The following TSHZ2 variants were observed in gnomAD, a reference collection of about 807,000 sequenced individuals.
TSHZ2 encodes the protein teashirt zinc finger homeobox 2.
In TSHZ2, 21 loss-of-function variants were observed where a neutral mutation model predicts 74.4. The observed-to-expected ratio is 0.28, with a 90% CI of 0.20 to 0.41. The LOEUF is 0.41. Among genes scored for constraint, TSHZ2 ranks in the 10% least tolerant of loss-of-function variants. The pLI, the probability that TSHZ2 is intolerant of heterozygous loss-of-function variation, is 1.00. For synonymous variants in TSHZ2, 540 were observed against 515.3 expected, an observed-to-expected ratio of 1.05 and a Z score of -0.65; for missense variants, 1,244 against 1,293.5, an observed-to-expected ratio of 0.96 and a Z score of 0.59.
intron 1 of TSHZ2, among the ~76,000 whole-genome samples, chr20:53,072,350 A>G (rs781230324): frequency 2.0e-5 from 3 of 152,252 alleles, no homozygotes; most frequent in Non-Finnish European, 4.4e-5. Context: ...CCACAAAATC[A>G]TAATAATCCA....
intron 1 of TSHZ2, among the ~76,000 whole-genome samples, chr20:53,053,677 G>A (rs140974916): frequency 7.9e-5 from 12 of 152,268 alleles, no homozygotes; most frequent in African/African-American, 2.9e-4. Context: ...ATTATACTAT[G>A]AGAAAGAAAA....
chr20:53,465,782 G>C (rs1202711629), intron 2 of TSHZ2, among the ~76,000 whole-genome samples: 1 of 152,072 alleles, frequency 6.6e-6, no homozygotes, highest in Non-Finnish European at 1.5e-5. Context: ...TAGCAGTCAA[G>C]CTTCAGGCAA....
intron 1 of TSHZ2, among the ~76,000 whole-genome samples, chr20:53,020,133 T>C (rs535634394): frequency 6.6e-6 from 1 of 152,260 alleles, no homozygotes; most frequent in East Asian, 1.9e-4. Context: ...ACCACCCCCA[T>C]AATCCAGTCA....
chr20:53,397,767 A>C (rs1444569806), intron 2 of TSHZ2: 1 of 152,260 alleles, frequency 6.6e-6, no homozygotes, highest in Admixed American at 6.5e-5. Context: ...AAAATTTGGC[A>C]CATATACACC....
intron 1 of TSHZ2, among the ~76,000 whole-genome samples, chr20:53,121,334 C>A (rs1986804672): frequency 6.6e-6 from 1 of 151,868 alleles, no homozygotes; most frequent in African/African-American, 2.4e-5. Flanking sequence ...TCTAATACCC[C>A]AAATCTAGTA....
At chr20:53,047,689 A>G (rs1270018912) in intron 1 of TSHZ2, among the ~76,000 whole-genome samples, 4 of 152,166 alleles carry the variant, frequency 2.6e-5, no homozygotes, top group Non-Finnish European at 4.4e-5. Context: ...AAACACTATG[A>G]CAACCAAGCA....
chr20:53,074,379 T>C lies in TSHZ2; in HGVS notation c.40+101046T>C, dbSNP rs1985302539. On this transcript the variant is annotated intron_variant, in intron 1 of 2. Coordinates refer to ENST00000371497, the MANE Select transcript of TSHZ2 (RefSeq NM_173485.6). The surrounding 1 kb of genome is among the most constrained non-coding windows in gnomAD (Gnocchi z 5.9). The stretch of plus-strand genomic sequence containing the variant: ...GCTAGGACCAGGATTCATGGGTCTT[T>C]GTGTTCTTACAGTGCCTCAATTGCT... Among the ~76,000 whole-genome samples, 2 of 152,230 alleles carry C rather than the reference T, an allele frequency of 1.3e-5. No individual in the cohort carries two copies. Among genetic ancestry groups the C allele is most frequent in the Admixed American group, 1.3e-4 (2 of 15,280 alleles).
chr20:53,077,760 T>G (rs894692192), intron 1 of TSHZ2, among the ~76,000 whole-genome samples: 2 of 152,194 alleles, frequency 1.3e-5, no homozygotes, highest in African/African-American at 4.8e-5. Context: ...TCGTTATCGC[T>G]GAAAAGGAGG....
chr20:53,187,675 G>A (rs1988632711), intron 1 of TSHZ2, among the ~76,000 whole-genome samples: 6 of 149,152 alleles, frequency 4.0e-5, no homozygotes, highest in Admixed American at 2.0e-4. Context: ...GGCTGCATTT[G>A]GTTGAAAAGT....
intron 2 of TSHZ2, among the ~76,000 whole-genome samples, chr20:53,353,389 A>G (rs1279568600): frequency 6.6e-6 from 1 of 152,216 alleles, no homozygotes; most frequent in Non-Finnish European, 1.5e-5. Flanking sequence ...GTACACATAC[A>G]TGTCATAGAA....
Position 53,269,586 on chromosome 20 carries a change from TGAGGAG to T in TSHZ2, c.*8+13030_*8+13035del, listed in dbSNP as rs538780178. ...GATCATGATGATATGATGATGGTGATGAGGAGGAGGAGGAGGAGGATCTGATGATGA... is the reference window on the plus strand; with the variant it reads ...GATCATGATGATATGATGATGGTGATGAGGAGGAGGAGGATCTGATGATGA... On this transcript the variant is annotated intron_variant, in intron 2 of 2. Transcript: ENST00000371497. Among the ~76,000 whole-genome samples, 40 of 151,918 alleles carry T rather than the reference TGAGGAG, an allele frequency of 2.6e-4. No individual in the cohort carries two copies. The South Asian group carries it at 4.4e-3, about 17-fold the overall frequency.
chr20:53,186,540 C>A (rs1051442357), intron 1 of TSHZ2, among the ~76,000 whole-genome samples: 1 of 152,192 alleles, frequency 6.6e-6, no homozygotes, highest in Non-Finnish European at 1.5e-5. Flanking sequence ...GTGCTCACAT[C>A]CATCTCACTT....
chr20:53,416,571 G>A (rs140307983), intron 2 of TSHZ2, among the ~76,000 whole-genome samples: 104 of 152,280 alleles, frequency 6.8e-4, no homozygotes, highest in African/African-American at 8.2e-4. Context: ...CACACCCATC[G>A]TTTACATATT....
intron 1 of TSHZ2, among the ~76,000 whole-genome samples, chr20:53,114,808 G>GGTGT (rs140817682): frequency 2.6e-5 from 4 of 151,164 alleles, no homozygotes; most frequent in Middle Eastern, 3.4e-3. Context: ...TTATGCCTGG[G>GGTGT]GTGTGTGTGT....
intron 1 of TSHZ2, among the ~76,000 whole-genome samples, chr20:53,143,845 G>A (rs530562074): frequency 2.0e-5 from 3 of 152,266 alleles, no homozygotes; most frequent in Admixed American, 6.5e-5. Flanking sequence ...TAGAGAAATA[G>A]TTTAATTCAC....
At chr20:53,075,501 G>A (rs1046188039) in intron 1 of TSHZ2, among the ~76,000 whole-genome samples, 1 of 152,202 alleles carries the variant, frequency 6.6e-6, no homozygotes, top group African/African-American at 2.4e-5. Context: ...AGCTATAAAA[G>A]GAGCGACAAA....
intron 1 of TSHZ2, among the ~76,000 whole-genome samples, chr20:53,082,085 C>T (rs1200694417): frequency 6.6e-6 from 1 of 152,158 alleles, no homozygotes; most frequent in Non-Finnish European, 1.5e-5. Context: ...TTAACAGACA[C>T]TTCTAAATAG....
intron 2 of TSHZ2, among the ~76,000 whole-genome samples, chr20:53,314,342 G>A (rs895771320): frequency 1.3e-5 from 2 of 151,616 alleles, no homozygotes; most frequent in African/African-American, 4.8e-5. Context: ...ATCTATTGCT[G>A]TGTAACTAAT....
chr20:53,117,693 T>TTA (rs989986818), intron 1 of TSHZ2, among the ~76,000 whole-genome samples: 7 of 152,226 alleles, frequency 4.6e-5, no homozygotes, highest in Admixed American at 4.6e-4. Flanking sequence ...TGAGGCTTAG[T>TTA]TAATGGCATT....
Sources: gnomAD v4.1 joint callset for allele counts (sites outside exome capture counted in the v4.1 genomes callset) on GRCh38, gnomAD v4.1.1 for gene constraint, Gnocchi (gnomAD v3.1) non-coding constraint, MANE v1.5 for transcripts, NCBI Gene and HGNC (gene_info 2026-07-23, HGNC 2026-07-21) for gene names.